The following DGKG variants were observed in gnomAD, a reference collection of about 807,000 sequenced individuals.
DGKG encodes DAG kinase gamma.
DGKG carries 78 observed loss-of-function variants against 105.3 expected under a neutral mutation model. That is an observed-to-expected ratio of 0.74 (90% CI 0.62 to 0.89). DGKG has a LOEUF of 0.89. Among genes scored for constraint, DGKG ranks in the 40% least tolerant of loss-of-function variants. The pLI, the probability that DGKG is intolerant of heterozygous loss-of-function variation, is 0.00. For missense variants in DGKG, 958 were observed against 1,020.1 expected (o/e 0.94, Z 0.83); for synonymous variants, 346 against 367.1 (o/e 0.94, Z 0.66).
chr3:186,350,370 C>T (rs1012493466), intron 1 of DGKG, among the ~76,000 whole-genome samples: 2 of 152,126 alleles, frequency 1.3e-5, no homozygotes, highest in Non-Finnish European at 2.9e-5. Flanking sequence ...TGGATTATTT[C>T]ATTTAGTGTA....
At chr3:186,213,246 C>T (rs1358783936) in intron 20 of DGKG, among the ~76,000 whole-genome samples, 1 of 152,234 alleles carries the variant, frequency 6.6e-6, no homozygotes, top group Admixed American at 6.5e-5. Flanking sequence ...TGTAAGCAGA[C>T]CGGTGCTTCT....
At chr3:186,293,856 T>C (rs187342011) in intron 5 of DGKG, among the ~76,000 whole-genome samples, 8 of 152,356 alleles carry the variant, frequency 5.3e-5, no homozygotes, top group Admixed American at 3.9e-4. Flanking sequence ...GACTGCCTGG[T>C]CCTATAATTC....
At chr3:186,244,759 C>G (rs914042201) in intron 19 of DGKG, among the ~76,000 whole-genome samples, 1 of 152,096 alleles carries the variant, frequency 6.6e-6, no homozygotes, top group Non-Finnish European at 1.5e-5. Flanking sequence ...TGGAGAGGCA[C>G]CCCCATGGGT....
At chr3:186,241,597 G>A (rs1298130266) in intron 20 of DGKG, among the ~76,000 whole-genome samples, 1 of 151,894 alleles carries the variant, frequency 6.6e-6, no homozygotes, top group Non-Finnish European at 1.5e-5. Flanking sequence ...AATTCTGTGG[G>A]CTAAATAAAA....
rs758499496 is a variant in DGKG, at chr3:186,275,645, C to T, written c.812G>A (p.Arg271Gln). Residue 271 changes from arginine to glutamine, a missense_variant, in exon 10 of 25, where the codon CGG becomes CAG. Coordinates refer to ENST00000265022, the MANE Select transcript of DGKG (RefSeq NM_001346.3). ...GAAGTGCTTCATGGTCCAGGCGTGC[C>T]GCCCATCCCCCTTGGAGCCCTGCAG... Reference protein sequence around the residue: ...MDDSGSKGDGRHAWTMKHFKK... With the variant: ...MDDSGSKGDGQHAWTMKHFKK... 27 of 1,613,832 alleles carry T rather than the reference C, an allele frequency of 1.7e-5. No homozygotes were observed. The highest frequency in any genetic ancestry group is 6.7e-5 in the East Asian group (3 of 44,870).
rs185492980 is a variant in DGKG, at chr3:186,221,497, G to A, written c.1827-9612C>T. On this transcript the variant is annotated intron_variant, in intron 20 of 24. Transcript: ENST00000265022. ...AATAAGCTTGCTCTTGGCAGTTAAC[G>A]GAGAGCAAAGTCAAATACTGGGACA... 2.8e-3 allele frequency among the ~76,000 whole-genome samples: 420 copies of A among 152,280 alleles called. 3 individuals are homozygous for A. The highest frequency in any genetic ancestry group is 1.9e-3 in the Non-Finnish European group (128 of 68,022).
At chr3:186,242,482 C>A in intron 20 of DGKG, 22 bp downstream of exon 20, 6 of 1,602,836 alleles carry the variant, frequency 3.7e-6, no homozygotes, top group Non-Finnish European at 4.3e-6. Flanking sequence ...TGGGTGGCAG[C>A]GCAGCCGGGC....
chr3:186,288,709 C>G lies in DGKG; in HGVS notation c.544+1G>C, dbSNP rs753349002. ...AGCCCCTTGACAGGGTGAGCACTTACACTCCAGCTTATCCTGAGGCCTCCC... is the reference window on the plus strand; with the variant it reads ...AGCCCCTTGACAGGGTGAGCACTTAGACTCCAGCTTATCCTGAGGCCTCCC... On this transcript the variant is annotated splice_donor_variant, in intron 6 of 24. Coordinates refer to ENST00000265022, the MANE Select transcript of DGKG (RefSeq NM_001346.3). LOFTEE classifies it high-confidence loss of function. The G allele has an allele frequency of 1.2e-6, 2 of 1,613,896 alleles. No homozygotes were observed. Among genetic ancestry groups the G allele is most frequent in the South Asian group, 2.2e-5 (2 of 91,086 alleles).
intron 2 of DGKG, among the ~76,000 whole-genome samples, chr3:186,315,632 T>C (rs1307235599): frequency 6.6e-6 from 1 of 151,878 alleles, no homozygotes; most frequent in African/African-American, 2.4e-5. Flanking sequence ...CAATGACTGA[T>C]TTGGTTAGAT....
At chr3:186,257,731 C>T in intron 17 of DGKG, 123 bp downstream of exon 17, 5 of 661,554 alleles carry the variant, frequency 7.6e-6, no homozygotes, top group South Asian at 1.9e-5. Flanking sequence ...AAGTGTTGGT[C>T]CAGGGGAAGA....
intron 22 of DGKG, among the ~76,000 whole-genome samples, chr3:186,175,046 C>T (rs982799328): frequency 5.3e-5 from 8 of 152,246 alleles, no homozygotes; most frequent in Non-Finnish European, 1.2e-4. Context: ...GTGGGCCCAG[C>T]GGGCAGGACT....
At chr3:186,166,127 T>G (rs1233362348) in intron 22 of DGKG, among the ~76,000 whole-genome samples, 1 of 152,272 alleles carries the variant, frequency 6.6e-6, no homozygotes, top group African/African-American at 2.4e-5. Context: ...GAAGGCTAAC[T>G]ATTGTTTAAA....
chr3:186,160,815 TCTAA>T, intron 24 of DGKG: 1 of 985,480 alleles, frequency 1.0e-6, no homozygotes, highest in Non-Finnish European at 1.2e-6. Flanking sequence ...TAGCTGCATT[TCTAA>T]CTGAGGACAA....
intron 2 of DGKG, among the ~76,000 whole-genome samples, chr3:186,318,568 A>G (rs1024205152): frequency 6.6e-6 from 1 of 152,136 alleles, no homozygotes; most frequent in South Asian, 2.1e-4. Context: ...GTTAAGATGA[A>G]GTCATGACCG....
intron 7 of DGKG, among the ~76,000 whole-genome samples, chr3:186,282,303 G>A (rs1722866056): frequency 6.6e-6 from 1 of 152,172 alleles, no homozygotes; most frequent in Admixed American, 6.5e-5. Flanking sequence ...CTCTCCAGCA[G>A]TCACCCCCAG....
At chr3:186,159,485 C>G (rs1298795273) in intron 24 of DGKG, 1 of 152,158 alleles carries the variant, frequency 6.6e-6, no homozygotes, top group East Asian at 1.9e-4. Context: ...TATGTCTTCT[C>G]TTTCAAAGAA....
At position 186,242,576 on chromosome 3, in the gene DGKG, T is replaced by G; in HGVS notation, c.1762-8A>C. On this transcript the variant is annotated splice_polypyrimidine_tract_variant and splice_region_variant and intron_variant, in intron 19 of 24. Coordinates refer to ENST00000265022, the MANE Select transcript of DGKG (RefSeq NM_001346.3). ...GTGTGCAATGGAAGCGTCCTGAAAGTGAAAGAGACAAAGCAGATCCTTGGT... is the reference window on the plus strand; with the variant it reads ...GTGTGCAATGGAAGCGTCCTGAAAGGGAAAGAGACAAAGCAGATCCTTGGT... The G allele has an allele frequency of 1.9e-6, 3 of 1,612,886 alleles. No homozygotes were observed. Among genetic ancestry groups the G allele is most frequent in the Non-Finnish European group, 2.5e-6 (3 of 1,179,138 alleles).
chr3:186,298,268 C>G, intron 3 of DGKG, 39 bp from the exon 4 acceptor site: 1 of 1,527,216 alleles, frequency 6.5e-7, no homozygotes, highest in Non-Finnish European at 8.8e-7. Flanking sequence ...TGGAGAGAAG[C>G]AAAGGGACAG....
At chr3:186,282,691 T>A (rs879363250) in intron 7 of DGKG, among the ~76,000 whole-genome samples, 1 of 151,958 alleles carries the variant, frequency 6.6e-6, no homozygotes, top group Non-Finnish European at 1.5e-5. Context: ...TTCTTTTGTA[T>A]TTTTAGTAGA....
Sources: allele counts gnomAD v4.1 joint callset (sites outside exome capture counted in the v4.1 genomes callset), GRCh38; gene constraint gnomAD v4.1.1; transcripts MANE v1.5; gene names NCBI Gene and HGNC (gene_info 2026-07-23, HGNC 2026-07-21).